Variants in CD9 observed in about 807,000 individuals in gnomAD.
CD9 encodes the protein CD9 antigen.
Under a neutral mutation model 31.4 loss-of-function variants are expected in CD9, and 10 were observed. The ratio of observed to expected loss-of-function variants is 0.32; its 90% CI spans 0.20 to 0.54. The LOEUF is 0.54. CD9 is among the 20% of genes least tolerant of loss of function. The pLI is 0.94. For missense variants in CD9, 259 were observed against 300.1 expected (o/e 0.86, Z 1.01); for synonymous variants, 113 against 114.1 (o/e 0.99, Z 0.06).
At chr12:6,212,011 G>A (rs1413223749) in intron 1 of CD9, among the ~76,000 whole-genome samples, 4 of 152,128 alleles carry the variant, frequency 2.6e-5, no homozygotes, top group African/African-American at 7.2e-5. Flanking sequence ...TTCTCAACTC[G>A]AACTTGTTCA....
At chr12:6,237,066 C>T (rs1305475989) in intron 7 of CD9, among the ~76,000 whole-genome samples, 4 of 152,170 alleles carry the variant, frequency 2.6e-5, no homozygotes, top group Admixed American at 2.6e-4. Context: ...GCAACCTCCG[C>T]CTCTCTGGGT....
intron 1 of CD9, among the ~76,000 whole-genome samples, chr12:6,210,984 GCA>G (rs1946188209): frequency 6.6e-6 from 1 of 151,852 alleles, no homozygotes; most frequent in Non-Finnish European, 1.5e-5. Flanking sequence ...TTACAGGCAC[GCA>G]CCACCATGCC....
At chr12:6,220,432 G>T (rs1946281715) in intron 1 of CD9, among the ~76,000 whole-genome samples, 1 of 152,184 alleles carries the variant, frequency 6.6e-6, no homozygotes. Context: ...GAGATGCAGT[G>T]ACGAGCCAGT....
At position 6,232,533 on chromosome 12, in the gene CD9, G is replaced by A. The variant is rs1946459810; in HGVS notation, c.176-99G>A. 5.3e-6 allele frequency: 4 copies of A among 748,884 alleles called. No individual in the cohort carries two copies. The highest frequency in any genetic ancestry group is 9.4e-6 in the Non-Finnish European group (4 of 427,186). 46.4% of individuals were successfully genotyped at this position (748,884 alleles called of 1,614,324 possible). A position where few individuals can be genotyped will look rare whatever the true frequency, so the allele number is the denominator to read the frequency against. On this transcript the variant is annotated intron_variant, in intron 2 of 7. Transcript: ENST00000009180. This position sits in a 1 kb window ranked among gnomAD's most constrained non-coding sequence, Gnocchi z 4.8. ...GAGATGAGGGGAATAAGGAGGTGGG[G>A]AGGCAGGAGTTAGGCAGAGGGAAAC...
At chr12:6,215,973 T>G (rs2136613112) in intron 1 of CD9, among the ~76,000 whole-genome samples, 1 of 152,316 alleles carries the variant, frequency 6.6e-6, no homozygotes, top group Middle Eastern at 3.4e-3. Context: ...CCAAGTGGCT[T>G]TGCCCTTCCA....
intron 2 of CD9, among the ~76,000 whole-genome samples, chr12:6,227,562 T>C (rs1946385591): frequency 6.6e-6 from 1 of 152,218 alleles, no homozygotes; most frequent in Non-Finnish European, 1.5e-5. Context: ...GTGTATTATA[T>C]AATTTAATCC....
rs1240368874 is a variant in CD9, at chr12:6,233,433, A to G, written c.295A>G (p.Ile99Val). The part of the protein sequence containing the change: ...LGLFFGFLLV[I>V]FAIEIAAAIW... The stretch of plus-strand genomic sequence containing the variant: ...CCAGTTCTTCGGCTTCCTCTTGGTG[A>G]TATTCGCCATTGAAATAGCTGCGGC... Residue 99 changes from isoleucine to valine, a missense_variant, in exon 4 of 8, where the codon ATA becomes GTA. By Grantham distance (29) the Ile-to-Val change is conservative. Coordinates refer to ENST00000009180, the MANE Select transcript of CD9 (RefSeq NM_001769.4). 1 of 1,613,616 alleles carries G rather than the reference A, an allele frequency of 6.2e-7. No individual in the cohort carries two copies. Among genetic ancestry groups the G allele is most frequent in the Non-Finnish European group, 8.5e-7 (1 of 1,179,920 alleles).
Position 6,232,989 on chromosome 12 carries a change from T to C in CD9, c.273+260T>C. On this transcript the variant is annotated intron_variant, in intron 3 of 7. Coordinates refer to ENST00000009180, the MANE Select transcript of CD9 (RefSeq NM_001769.4). The surrounding 1 kb of genome is among the most constrained non-coding windows in gnomAD (Gnocchi z 4.8). ...TTTCTCGAGGACCACGTTTGCTTTT[T>C]TTCCCTGAATCCACAGGTACCTTTG... The C allele has an allele frequency of 1.4e-6, 1 of 702,450 alleles. No individual in the cohort carries two copies. Among genetic ancestry groups the C allele is most frequent in the East Asian group, 2.7e-5 (1 of 37,292 alleles). The allele number at this position is 702,450 out of a possible 1,614,324, so 43.5% of individuals were successfully genotyped here.
chr12:6,210,257 G>T (rs1465083816), intron 1 of CD9, among the ~76,000 whole-genome samples: 1 of 152,230 alleles, frequency 6.6e-6, no homozygotes, highest in East Asian at 1.9e-4. Context: ...CACTGAACGG[G>T]CTGCGGTCCC....
intron 1 of CD9, among the ~76,000 whole-genome samples, chr12:6,210,448 C>T (rs940386031): frequency 1.4e-4 from 21 of 152,270 alleles, no homozygotes; most frequent in Admixed American, 1.2e-3. Flanking sequence ...GAGGAAGCAC[C>T]GGCTGTTTTT....
chr12:6,223,779 G>A (rs1168652294), intron 1 of CD9, among the ~76,000 whole-genome samples: 4 of 152,182 alleles, frequency 2.6e-5, no homozygotes, highest in East Asian at 1.9e-4. Context: ...GTCTGAATGC[G>A]AGTACCCTGC....
Position 6,232,563 on chromosome 12 carries a change from A to G in CD9, c.176-69A>G. The G allele has an allele frequency of 1.1e-6, 1 of 939,630 alleles. No individual in the cohort carries two copies. 58.2% of individuals were successfully genotyped at this position (939,630 alleles called of 1,614,324 possible). A position where few individuals can be genotyped will look rare whatever the true frequency, so the allele number is the denominator to read the frequency against. ...AGGAGTTAGGCAGAGGGAAACAGGA[A>G]TTGCCGGAGATGCCTGGGCCTCTGA... On this transcript the variant is annotated intron_variant, in intron 2 of 7. Coordinates refer to ENST00000009180, the MANE Select transcript of CD9 (RefSeq NM_001769.4). The surrounding 1 kb of genome is among the most constrained non-coding windows in gnomAD (Gnocchi z 4.8).
chr12:6,201,912 C>T (rs914948226), intron 1 of CD9, among the ~76,000 whole-genome samples: 3 of 152,156 alleles, frequency 2.0e-5, no homozygotes, highest in African/African-American at 7.2e-5. Context: ...TTGGCATGCA[C>T]CTGTGATCGC....
At chr12:6,211,777 A>T (rs568929842) in intron 1 of CD9, among the ~76,000 whole-genome samples, 4 of 152,338 alleles carry the variant, frequency 2.6e-5, no homozygotes, top group African/African-American at 9.6e-5. Flanking sequence ...AAAGGGATTT[A>T]TGGGCTGGCC....
chr12:6,214,354 T>TTTTTTTTTTTTTTTG lies in CD9; in HGVS notation c.67-11071_67-11057dup. On this transcript the variant is annotated intron_variant, in intron 1 of 7. Transcript: ENST00000009180. ...CTTGACCATTAGCCTCTTTTTTTTT[T>TTTTTTTTTTTTTTTG]TTTTTTTTTTTTTTGAGATGGGGTC... 1.5e-5 allele frequency among the ~76,000 whole-genome samples: 2 copies of TTTTTTTTTTTTTTTG among 132,678 alleles called. 1 individual carries two copies. The highest frequency in any genetic ancestry group is 3.2e-5 in the Non-Finnish European group (2 of 62,884). The allele number at this position is 132,678 out of a possible 152,430, so 87.0% of individuals were successfully genotyped here. A position where few individuals can be genotyped will look rare whatever the true frequency, so the allele number is the denominator to read the frequency against.
At chr12:6,223,108 G>A (rs981237767) in intron 1 of CD9, among the ~76,000 whole-genome samples, 1 of 152,180 alleles carries the variant, frequency 6.6e-6, no homozygotes, top group Non-Finnish European at 1.5e-5. Flanking sequence ...AACAGGTTGT[G>A]GCTAAACGTG....
chr12:6,222,901 C>G (rs1223131824), intron 1 of CD9, among the ~76,000 whole-genome samples: 1 of 152,178 alleles, frequency 6.6e-6, no homozygotes, highest in Non-Finnish European at 1.5e-5. Context: ...TCGTTCTTTT[C>G]TGCGACTCAG....
At chr12:6,221,433 C>T (rs1341734825) in intron 1 of CD9, among the ~76,000 whole-genome samples, 1 of 152,168 alleles carries the variant, frequency 6.6e-6, no homozygotes, top group East Asian at 1.9e-4. Context: ...ATTCAGCATC[C>T]GCATCAAACC....
rs1455186244 is a variant in CD9, at chr12:6,232,074, C to T, written c.176-558C>T. 5.9e-6 allele frequency: 1 copy of T among 168,834 alleles called. No homozygotes were observed. The highest frequency in any genetic ancestry group is 1.8e-4 in the East Asian group (1 of 5,600). The allele number at this position is 168,834 out of a possible 1,614,324, so 10.5% of individuals were successfully genotyped here. On this transcript the variant is annotated intron_variant, in intron 2 of 7. Coordinates refer to ENST00000009180, the MANE Select transcript of CD9 (RefSeq NM_001769.4). This position sits in a 1 kb window ranked among gnomAD's most constrained non-coding sequence, Gnocchi z 4.8. The stretch of plus-strand genomic sequence containing the variant: ...GTGTTCCTAACTGTATGTGCCTAAC[C>T]ACCACCCAGCAACAGGGCAAAGAGG...
Sources: allele counts gnomAD v4.1 joint callset (sites outside exome capture counted in the v4.1 genomes callset), GRCh38; gene constraint gnomAD v4.1.1; non-coding constraint Gnocchi (gnomAD v3.1); transcripts MANE v1.5; gene names NCBI Gene and HGNC (gene_info 2026-07-23, HGNC 2026-07-21).